The following MYO16 variants were observed in gnomAD, a reference collection of about 807,000 sequenced individuals.
MYO16 encodes unconventional myosin-XVI.
MYO16 carries 94 observed loss-of-function variants against 205.3 expected under a neutral mutation model. That is an observed-to-expected ratio of 0.46 (90% confidence interval 0.39 to 0.54). The LOEUF is 0.54. Among genes scored for constraint, MYO16 ranks in the 20% least tolerant of loss-of-function variants. The pLI is 0.00. For missense variants in MYO16, 2,315 were observed against 2,387.5 expected (o/e 0.97, Z 0.63); for synonymous variants, 988 against 954.0 (o/e 1.04, Z -0.66).
the MYO16 span, among the ~76,000 whole-genome samples, chr13:108,500,862 C>T: frequency 6.6e-6 from 1 of 152,124 alleles, no homozygotes; most frequent in East Asian, 1.9e-4. Context: ...CCTGCTCCTC[C>T]CCATGACAGA....
intron 34 of MYO16, among the ~76,000 whole-genome samples, chr13:109,191,448 A>G (rs1055566928): frequency 7.2e-5 from 11 of 152,300 alleles, no homozygotes; most frequent in Non-Finnish European, 1.6e-4. Context: ...AAAACGTTCA[A>G]CAGGGTAAGC....
chr13:109,018,103 T>G (rs1004691747), intron 22 of MYO16, among the ~76,000 whole-genome samples: 2 of 152,216 alleles, frequency 1.3e-5, no homozygotes, highest in Admixed American at 1.3e-4. Context: ...CTTTGTGGTT[T>G]TATCTACCTT....
intron 7 of MYO16, among the ~76,000 whole-genome samples, chr13:108,807,860 G>A (rs1887161865): frequency 6.6e-6 from 1 of 152,048 alleles, no homozygotes; most frequent in Admixed American, 6.6e-5. Flanking sequence ...GTTAAGCTTG[G>A]TAAAGAATGA....
intron 27 of MYO16, among the ~76,000 whole-genome samples, chr13:109,058,210 G>A (rs1169426582): frequency 1.3e-5 from 2 of 152,082 alleles, no homozygotes; most frequent in African/African-American, 4.8e-5. Context: ...CAATGTTTTT[G>A]TTTTGTTTTG....
intron 15 of MYO16, among the ~76,000 whole-genome samples, chr13:108,902,848 A>G (rs1880775414): frequency 6.6e-6 from 1 of 152,228 alleles, no homozygotes; most frequent in Non-Finnish European, 1.5e-5. Context: ...CTATGGTTTC[A>G]GTTACCGGAG....
chr13:109,203,899 C>A (rs972000947), intron 34 of MYO16, among the ~76,000 whole-genome samples: 11 of 152,176 alleles, frequency 7.2e-5, no homozygotes, highest in Admixed American at 6.5e-5. Flanking sequence ...GATGGCTGTG[C>A]ATTTGAGGAC....
At chr13:108,940,601 G>C (rs1882684765) in intron 16 of MYO16, among the ~76,000 whole-genome samples, 1 of 152,176 alleles carries the variant, frequency 6.6e-6, no homozygotes, top group South Asian at 2.1e-4. Context: ...CAGACGCTTA[G>C]AGTAAATGTG....
chr13:108,819,636 A>G (rs1397397435), intron 7 of MYO16, among the ~76,000 whole-genome samples: 1 of 152,152 alleles, frequency 6.6e-6, no homozygotes, highest in African/African-American at 2.4e-5. Context: ...TAACACATGT[A>G]TATTATATAT....
chr13:109,139,241 C>T (rs1436065490), intron 31 of MYO16, among the ~76,000 whole-genome samples: 1 of 152,216 alleles, frequency 6.6e-6, no homozygotes, highest in Non-Finnish European at 1.5e-5. Context: ...GTGTGAGCCA[C>T]TGCACCCAGC....
chr13:109,142,227 A>T (rs1877132568), intron 32 of MYO16, among the ~76,000 whole-genome samples: 1 of 152,230 alleles, frequency 6.6e-6, no homozygotes, highest in Non-Finnish European at 1.5e-5. Context: ...CTTTAATCAC[A>T]AAGAATGTCT....
intron 31 of MYO16, among the ~76,000 whole-genome samples, chr13:109,129,614 A>G (rs1218735220): frequency 6.6e-6 from 1 of 152,168 alleles, no homozygotes; most frequent in Non-Finnish European, 1.5e-5. Context: ...TTAGAATAAC[A>G]AGAAAGATTT....
At chr13:108,903,726 C>G (rs1436129992) in intron 15 of MYO16, among the ~76,000 whole-genome samples, 1 of 152,156 alleles carries the variant, frequency 6.6e-6, no homozygotes, top group African/African-American at 2.4e-5. Context: ...GCTGCCAAGA[C>G]TCTTATGAAA....
intron 27 of MYO16, among the ~76,000 whole-genome samples, chr13:109,070,400 T>C (rs937945519): frequency 2.6e-5 from 4 of 152,230 alleles, no homozygotes; most frequent in African/African-American, 4.8e-5. Context: ...ATTAATGTTT[T>C]AGTTTTCTGT....
chr13:108,572,040 C>T, the MYO16 span, among the ~76,000 whole-genome samples: 1 of 151,956 alleles, frequency 6.6e-6, no homozygotes, highest in African/African-American at 2.4e-5. Context: ...CTGCCTCAGC[C>T]TCCTGAGTAG....
the MYO16 span, among the ~76,000 whole-genome samples, chr13:108,577,994 A>G: frequency 6.6e-6 from 1 of 152,202 alleles, no homozygotes; most frequent in Non-Finnish European, 1.5e-5. Context: ...ACGCAAGTAT[A>G]TATTGTGTGC....
intron 1 of MYO16, among the ~76,000 whole-genome samples, chr13:108,655,063 C>T (rs1881182321): frequency 6.6e-6 from 1 of 152,230 alleles, no homozygotes; most frequent in Non-Finnish European, 1.5e-5. Flanking sequence ...GAAATTCAAG[C>T]TGACTGCAGA....
intron 23 of MYO16, among the ~76,000 whole-genome samples, chr13:109,041,434 A>G (rs1594494942): frequency 6.6e-6 from 1 of 152,362 alleles, no homozygotes; most frequent in East Asian, 1.9e-4. Context: ...ATGTTTATAA[A>G]GAAGAATGAA....
the MYO16 span, among the ~76,000 whole-genome samples, chr13:108,574,933 G>A: frequency 6.6e-6 from 1 of 152,072 alleles, no homozygotes; most frequent in South Asian, 2.1e-4. Flanking sequence ...AGTATAAGGT[G>A]TACTGACACA....
At chr13:109,046,700 C>CA in intron 23 of MYO16, among the ~76,000 whole-genome samples, 2 of 152,260 alleles carry the variant, frequency 1.3e-5, no homozygotes, top group East Asian at 3.9e-4. Context: ...GAGACCTTCA[C>CA]AAAATAGAAC....
Sources: gnomAD v4.1 joint callset for allele counts (sites outside exome capture counted in the v4.1 genomes callset) on GRCh38, gnomAD v4.1.1 for gene constraint, MANE v1.5 for transcripts, NCBI Gene and HGNC (gene_info 2026-07-23, HGNC 2026-07-21) for gene names.